The following TENM2 variants were observed in gnomAD, a reference collection of about 807,000 sequenced individuals.
TENM2 encodes teneurin-2.
Under a neutral mutation model 245.2 loss-of-function variants are expected in TENM2, and 52 were observed. The ratio of observed to expected loss-of-function variants is 0.21; its 90% confidence interval spans 0.17 to 0.27. The LOEUF (loss-of-function observed/expected upper bound fraction) is 0.27, where lower values mean the gene tolerates loss of function less well. Among genes scored for constraint, TENM2 ranks in the 10% least tolerant of loss-of-function variants. TENM2 has a pLI of 1.00. For missense variants in TENM2, 3,046 were observed against 3,666.8 expected, an observed-to-expected ratio of 0.83 and a Z score of 4.37; for synonymous variants, 1,363 against 1,438.9, an observed-to-expected ratio of 0.95 and a Z score of 1.19.
chr5:167,589,485 T>C (rs970259071), intron 2 of TENM2, among the ~76,000 whole-genome samples: 2 of 152,168 alleles, frequency 1.3e-5, no homozygotes, highest in African/African-American at 2.4e-5. Flanking sequence ...TTTTGTACCA[T>C]ATTGCATCCA....
chr5:167,777,650 A>T (rs987949957), intron 2 of TENM2, among the ~76,000 whole-genome samples: 2 of 152,226 alleles, frequency 1.3e-5, no homozygotes, highest in Non-Finnish European at 2.9e-5. Flanking sequence ...AACAGTGCCT[A>T]ACAGCCAGGG....
At chr5:167,859,586 G>A (rs1317833324) in intron 2 of TENM2, among the ~76,000 whole-genome samples, 18,030 of 78,270 alleles carry the variant, frequency 0.23, 760 homozygotes, top group Non-Finnish European at 0.34. Flanking sequence ...CTGGCCAGCC[G>A]CCCCGTCCGG....
chr5:167,719,997 G>C (rs189132895), intron 2 of TENM2, among the ~76,000 whole-genome samples: 3 of 150,240 alleles, frequency 2.0e-5, no homozygotes, highest in Admixed American at 1.3e-4. Context: ...GTTAAAAAGA[G>C]GGGGGGGCTT....
chr5:167,025,873 C>G, the TENM2 span, among the ~76,000 whole-genome samples: 1 of 152,080 alleles, frequency 6.6e-6, no homozygotes, highest in Non-Finnish European at 1.5e-5. Flanking sequence ...GAGCTTTCTT[C>G]TACCTCATAC....
chr5:168,065,293 G>C (rs1298883538), intron 7 of TENM2, among the ~76,000 whole-genome samples: 1 of 152,160 alleles, frequency 6.6e-6, no homozygotes, highest in Non-Finnish European at 1.5e-5. Context: ...GTCTGTCCCA[G>C]CTGACTTTTT....
At chr5:167,162,759 A>T in the TENM2 span, among the ~76,000 whole-genome samples, 1 of 152,234 alleles carries the variant, frequency 6.6e-6, no homozygotes, top group African/African-American at 2.4e-5. Context: ...ACTCATGACC[A>T]ATCCTACCAG....
chr5:167,088,721 A>G, the TENM2 span, among the ~76,000 whole-genome samples: 1 of 152,160 alleles, frequency 6.6e-6, no homozygotes, highest in African/African-American at 2.4e-5. Flanking sequence ...AGCTAATACC[A>G]ATAATGATAC....
chr5:167,180,402 C>A, the TENM2 span, among the ~76,000 whole-genome samples: 60 of 152,168 alleles, frequency 3.9e-4, no homozygotes, highest in Non-Finnish European at 6.6e-4. Context: ...AAATCCTTTT[C>A]TCTCCCTACT....
At chr5:167,985,834 T>A (rs779249847) in intron 4 of TENM2, among the ~76,000 whole-genome samples, 3 of 152,238 alleles carry the variant, frequency 2.0e-5, no homozygotes, top group Non-Finnish European at 4.4e-5. Context: ...GGTTAATGAC[T>A]AAGTTTACTT....
the TENM2 span, among the ~76,000 whole-genome samples, chr5:167,226,098 A>G: frequency 6.6e-6 from 1 of 151,840 alleles, no homozygotes; most frequent in African/African-American, 2.4e-5. Context: ...TTATCTTTTC[A>G]AAAAACTTTT....
chr5:167,614,618 T>C (rs1157783459), intron 2 of TENM2, among the ~76,000 whole-genome samples: 1 of 152,134 alleles, frequency 6.6e-6, no homozygotes, highest in Admixed American at 6.6e-5. Flanking sequence ...GGTACCTTCA[T>C]AGGCTAAGGA....
At chr5:168,042,853 C>A (rs1788312038) in intron 5 of TENM2, among the ~76,000 whole-genome samples, 1 of 152,126 alleles carries the variant, frequency 6.6e-6, no homozygotes, top group Admixed American at 6.6e-5. Flanking sequence ...AGTTTGGCTG[C>A]CTATTGTGTT....
intron 2 of TENM2, among the ~76,000 whole-genome samples, chr5:167,658,588 C>G (rs1474241287): frequency 1.3e-5 from 2 of 152,126 alleles, no homozygotes; most frequent in African/African-American, 4.8e-5. Flanking sequence ...GAATAAGTTT[C>G]AACCCATGAC....
At chr5:167,588,976 G>A (rs59726875) in intron 2 of TENM2, among the ~76,000 whole-genome samples, 6,307 of 152,212 alleles carry the variant, frequency 0.041, 370 homozygotes, top group African/African-American at 0.13. Context: ...TGAGGTGGGC[G>A]GATCCCTTAA....
At chr5:167,532,764 G>A (rs1389730483) in intron 2 of TENM2, among the ~76,000 whole-genome samples, 1 of 138,800 alleles carries the variant, frequency 7.2e-6, no homozygotes, top group Non-Finnish European at 1.5e-5. Context: ...ACACATATGT[G>A]TATATATACA....
chr5:168,115,416 A>AAGG (rs1562177239), intron 9 of TENM2, among the ~76,000 whole-genome samples: 4 of 95,056 alleles, frequency 4.2e-5, no homozygotes, highest in Non-Finnish European at 6.7e-5. Context: ...AAGGGAAAGG[A>AAGG]AAGGAAGGAA....
intron 3 of TENM2, among the ~76,000 whole-genome samples, chr5:167,900,720 T>A (rs563611933): frequency 6.6e-6 from 1 of 152,240 alleles, no homozygotes; most frequent in East Asian, 1.9e-4. Flanking sequence ...ACCACCTAGT[T>A]ATGACCGTGG....
the TENM2 span, among the ~76,000 whole-genome samples, chr5:167,053,560 A>T: frequency 6.6e-6 from 1 of 152,144 alleles, no homozygotes; most frequent in Non-Finnish European, 1.5e-5. Context: ...GTATCCATGA[A>T]CTTTTTCACC....
intron 2 of TENM2, among the ~76,000 whole-genome samples, chr5:167,620,068 T>C (rs2127767905): frequency 6.6e-6 from 1 of 152,272 alleles, no homozygotes; most frequent in South Asian, 2.1e-4. Context: ...TTGTGTTAAA[T>C]GTGAAGAGTC....
Sources: gnomAD v4.1 joint callset for allele counts (sites outside exome capture counted in the v4.1 genomes callset) on GRCh38, gnomAD v4.1.1 for gene constraint, MANE v1.5 for transcripts, NCBI Gene and HGNC (gene_info 2026-07-23, HGNC 2026-07-21) for gene names.